TTLL7: variants seen among roughly 807,000 people sequenced by gnomAD.
TTLL7 encodes tubulin tyrosine ligase like 7, also known as tubulin polyglutamylase TTLL7.
TTLL7 carries 53 observed loss-of-function variants against 120.2 expected under a neutral mutation model. The ratio of observed to expected loss-of-function variants is 0.44; its 90% CI spans 0.35 to 0.55. The LOEUF (loss-of-function observed/expected upper bound fraction) is 0.55, where lower values mean the gene tolerates loss of function less well. TTLL7 is among the 20% of genes least tolerant of loss of function. The pLI, the probability that TTLL7 is intolerant of heterozygous loss-of-function variation, is 0.00. For synonymous variants in TTLL7, 353 were observed against 351.7 expected, an observed-to-expected ratio of 1.00 and a Z score of -0.04; for missense variants, 803 against 1,054.7, an observed-to-expected ratio of 0.76 and a Z score of 3.31.
In TTLL7 at chr1:83,936,658, C is replaced by T. The variant is rs114436505; in HGVS notation, c.888+1194G>A. Reference sequence around the variant, plus strand: ...CATTCCATCTCTCAGGAAGCTCTAACTGAAAGTTAACAAATTGGTGGATAT... The same window carrying T: ...CATTCCATCTCTCAGGAAGCTCTAATTGAAAGTTAACAAATTGGTGGATAT... On this transcript the variant is annotated intron_variant, in intron 8 of 20. Coordinates refer to ENST00000260505, the MANE Select transcript of TTLL7 (RefSeq NM_024686.6). Among the ~76,000 whole-genome samples, 462 of 152,312 alleles carry T rather than the reference C, an allele frequency of 3.0e-3. 1 individual carries two copies. Among genetic ancestry groups the T allele is most frequent in the African/African-American group, 0.01 (428 of 41,582 alleles).
chr1:83,987,101 T>G (rs1468645065), intron 1 of TTLL7, among the ~76,000 whole-genome samples: 1 of 152,008 alleles, frequency 6.6e-6, no homozygotes, highest in African/African-American at 2.4e-5. Context: ...AATGAAAATT[T>G]AAAACATAGG....
intron 1 of TTLL7, among the ~76,000 whole-genome samples, chr1:83,978,126 A>G (rs1651655818): frequency 6.6e-6 from 1 of 152,216 alleles, no homozygotes; most frequent in African/African-American, 2.4e-5. Flanking sequence ...CTCACCTACC[A>G]AATGTAAAGC....
intron 8 of TTLL7, 57 bp downstream of exon 8, chr1:83,937,795 T>C: frequency 6.3e-7 from 1 of 1,590,760 alleles, no homozygotes; most frequent in Admixed American, 1.7e-5. Context: ...GGCCTGACAA[T>C]GCTTCAAATT....
chr1:83,913,692 C>T (rs1571163861), intron 14 of TTLL7, among the ~76,000 whole-genome samples: 1 of 152,212 alleles, frequency 6.6e-6, no homozygotes, highest in Admixed American at 6.5e-5. Flanking sequence ...CTGGCTTTAA[C>T]AACTACAGGA....
intron 1 of TTLL7, 151 bp downstream of exon 1, chr1:83,998,780 G>C: frequency 3.3e-6 from 1 of 301,370 alleles, no homozygotes; most frequent in Non-Finnish European, 6.6e-6. Context: ...GAACGCAGCA[G>C]CTCCCCGTTC....
At position 83,917,598 on chromosome 1, in the gene TTLL7, C is replaced by T; in HGVS notation, c.1587+6G>A. On this transcript the variant is annotated splice_donor_region_variant and intron_variant, in intron 14 of 20. Coordinates refer to ENST00000260505, the MANE Select transcript of TTLL7 (RefSeq NM_024686.6). ...GATAAGTAAGGAAGGTAGAGATATA[C>T]TGCACCTTTGGTCCTCGAGTCTTGG... is the stretch of plus-strand genomic sequence containing the variant. The T allele has an allele frequency of 3.1e-6, 5 of 1,600,706 alleles. No individual in the cohort carries two copies. In the South Asian group the frequency reaches 3.3e-5, roughly 11 times the overall value.
At chr1:83,922,917 G>A (rs559952142) in intron 10 of TTLL7, among the ~76,000 whole-genome samples, 1 of 150,572 alleles carries the variant, frequency 6.6e-6, no homozygotes. Context: ...AAAGGGATTA[G>A]AGAAAAAAGG....
chr1:83,956,660 C>T (rs1361372045), intron 1 of TTLL7, among the ~76,000 whole-genome samples: 1 of 152,156 alleles, frequency 6.6e-6, no homozygotes, highest in Non-Finnish European at 1.5e-5. Context: ...GAACTCCCGA[C>T]CTCAGGTGAT....
chr1:83,892,930 G>GAAAGAAAGAAAGA (rs1553129449), intron 18 of TTLL7, among the ~76,000 whole-genome samples: 5 of 94,880 alleles, frequency 5.3e-5, no homozygotes, highest in African/African-American at 3.0e-4. Context: ...AAGAAAAAGA[G>GAAAGAAAGAAAGA]AAAGAAAGAA....
At chr1:83,942,054 T>A (rs1437372887) in intron 7 of TTLL7, among the ~76,000 whole-genome samples, 2 of 152,194 alleles carry the variant, frequency 1.3e-5, no homozygotes, top group Non-Finnish European at 2.9e-5. Context: ...CAAAGCCTGC[T>A]CAAATGCCAC....
intron 18 of TTLL7, among the ~76,000 whole-genome samples, chr1:83,901,612 T>C (rs1462463631): frequency 6.6e-6 from 1 of 152,004 alleles, no homozygotes; most frequent in Non-Finnish European, 1.5e-5. Context: ...AGTCAGCGAC[T>C]TGAAAACATA....
intron 10 of TTLL7, among the ~76,000 whole-genome samples, chr1:83,927,737 A>C (rs983487640): frequency 6.6e-6 from 1 of 152,186 alleles, no homozygotes; most frequent in African/African-American, 2.4e-5. Flanking sequence ...CTAGATTCAC[A>C]GAACAATTCG....
chr1:83,879,164 A>G (rs1368409934), intron 20 of TTLL7, among the ~76,000 whole-genome samples: 3 of 152,010 alleles, frequency 2.0e-5, no homozygotes, highest in African/African-American at 7.2e-5. Flanking sequence ...AGTGACTTCT[A>G]CATTTAAGTA....
At chr1:83,931,305 C>A (rs1659577045) in intron 9 of TTLL7, among the ~76,000 whole-genome samples, 2 of 151,880 alleles carry the variant, frequency 1.3e-5, no homozygotes, top group East Asian at 3.9e-4. Flanking sequence ...TCACTTTTTC[C>A]ACAAATTAAA....
At chr1:83,968,975 C>A (rs1650732112) in intron 1 of TTLL7, among the ~76,000 whole-genome samples, 1 of 151,970 alleles carries the variant, frequency 6.6e-6, no homozygotes, top group Non-Finnish European at 1.5e-5. Context: ...TTCTTCTGAA[C>A]ATAGTAGGTA....
At chr1:83,938,682 C>G (rs1453008433) in intron 7 of TTLL7, among the ~76,000 whole-genome samples, 2 of 152,074 alleles carry the variant, frequency 1.3e-5, no homozygotes, top group African/African-American at 2.4e-5. Flanking sequence ...TTTGTTGATA[C>G]TATTTTCCTT....
chr1:83,976,033 C>CTCTGTGTG (rs1241354482), intron 1 of TTLL7, among the ~76,000 whole-genome samples: 3 of 147,834 alleles, frequency 2.0e-5, no homozygotes, highest in Non-Finnish European at 4.5e-5. Context: ...TTGTCTCTCT[C>CTCTGTGTG]TGTGTGTGTG....
At chr1:83,939,762 T>C (rs1295158741) in intron 7 of TTLL7, among the ~76,000 whole-genome samples, 1 of 152,170 alleles carries the variant, frequency 6.6e-6, no homozygotes, top group Admixed American at 6.5e-5. Context: ...TTATATGTAG[T>C]TTATGAACAT....
intron 1 of TTLL7, among the ~76,000 whole-genome samples, chr1:83,994,354 G>A (rs1461470302): frequency 6.6e-6 from 1 of 152,182 alleles, no homozygotes; most frequent in Non-Finnish European, 1.5e-5. Context: ...TGGATTCCCA[G>A]CCTTGAAAGA....
Sources: allele counts gnomAD v4.1 joint callset (sites outside exome capture counted in the v4.1 genomes callset), GRCh38; gene constraint gnomAD v4.1.1; transcripts MANE v1.5; gene names NCBI Gene and HGNC (gene_info 2026-07-23, HGNC 2026-07-21).